Variants in IQSEC1 observed in about 807,000 individuals in gnomAD.
IQSEC1 encodes the protein IQ motif and SEC7 domain-containing protein 1.
Under a neutral mutation model 91.0 loss-of-function variants are expected in IQSEC1, and 31 were observed. The observed-to-expected ratio is 0.34, with a 90% CI of 0.26 to 0.46. The LOEUF (loss-of-function observed/expected upper bound fraction) is 0.46. Among genes scored for constraint, IQSEC1 ranks in the 20% least tolerant of loss-of-function variants. The pLI is 1.00. For synonymous variants in IQSEC1, 699 were observed against 662.6 expected (o/e 1.05, Z -0.84); for missense variants, 1,388 against 1,575.6 (o/e 0.88, Z 2.02).
intron 1 of IQSEC1, among the ~76,000 whole-genome samples, chr3:13,200,753 C>G (rs1694229210): frequency 6.6e-6 from 1 of 152,250 alleles, no homozygotes; most frequent in African/African-American, 2.4e-5. Flanking sequence ...ATTTCACACA[C>G]ATGTTGCACT....
chr3:12,901,206 T>A lies in IQSEC1; in HGVS notation c.3122A>T (p.His1041Leu). The A allele has an allele frequency of 6.5e-7, 1 of 1,545,304 alleles. No individual in the cohort carries two copies. Among genetic ancestry groups the A allele is most frequent in the South Asian group, 1.2e-5 (1 of 83,684 alleles). ...YCHMQNPPPY[H>L]HHHHHHPPQH... ...GGGTGGGTGGTGGTGGTGGTGATGGTGGTACGGGGGAGGGTTCTGCATGTG... is the reference window on the plus strand; with the variant it reads ...GGGTGGGTGGTGGTGGTGGTGATGGAGGTACGGGGGAGGGTTCTGCATGTG... Residue 1041 changes from histidine (H) to leucine (L), a missense_variant, in exon 14 of 14, where the codon CAC (histidine) becomes CTC (leucine). By Grantham distance (99) the His-to-Leu change is moderately conservative. Coordinates refer to ENST00000613206, the MANE Select transcript of IQSEC1 (RefSeq NM_001134382.3).
intron 2 of IQSEC1, among the ~76,000 whole-genome samples, chr3:13,127,362 C>T (rs781359767): frequency 1.1e-4 from 17 of 151,874 alleles, no homozygotes; most frequent in South Asian, 2.1e-4. Context: ...TGCAGTGAGC[C>T]GAGATGGCAC....
chr3:13,170,610 G>T (rs560264555), intron 1 of IQSEC1, among the ~76,000 whole-genome samples: 1 of 152,230 alleles, frequency 6.6e-6, no homozygotes, highest in Admixed American at 6.5e-5. Flanking sequence ...AGAGCGCCAG[G>T]GTAATGCAGC....
At chr3:13,130,526 G>GC (rs1021313474) in intron 2 of IQSEC1, among the ~76,000 whole-genome samples, 6 of 152,162 alleles carry the variant, frequency 3.9e-5, no homozygotes, top group African/African-American at 1.4e-4. Context: ...CACTGGAGAA[G>GC]AATGTATGTT....
rs5846799 is a variant in IQSEC1, at chr3:13,101,419, C to CAAAAAAAAAAAAAAAAAAAAAAAA, written c.303-53898_303-53897insTTTTTTTTTTTTTTTTTTTTTTTT. ...GGGAGACAGGGTGAGATTCCATCTC[C>CAAAAAAAAAAAAAAAAAAAAAAAA]AAAAAAAAAAAAAATGCACCCTTCT... On this transcript the variant is annotated intron_variant, in intron 2 of 15. Transcript: ENST00000648114. Among the ~76,000 whole-genome samples, 172 of 119,334 alleles carry CAAAAAAAAAAAAAAAAAAAAAAAA rather than the reference C, an allele frequency of 1.4e-3. 3 individuals carry two copies. The highest frequency in any genetic ancestry group is 2.6e-3 in the African/African-American group (78 of 30,374). The allele number at this position is 119,334 out of a possible 152,430, so 78.3% of individuals were successfully genotyped here. A position where few individuals can be genotyped will look rare whatever the true frequency, so the allele number is the denominator to read the frequency against.
chr3:13,114,785 A>G (rs1706308173), intron 2 of IQSEC1, among the ~76,000 whole-genome samples: 2 of 133,010 alleles, frequency 1.5e-5, no homozygotes, highest in Admixed American at 7.5e-5. Flanking sequence ...AGAGTGAGAC[A>G]TCGTCTCAAA....
intron 2 of IQSEC1, among the ~76,000 whole-genome samples, chr3:12,938,418 G>A (rs922388462): frequency 1.4e-4 from 22 of 152,042 alleles, no homozygotes; most frequent in African/African-American, 2.7e-4. Flanking sequence ...ATGCCCATGC[G>A]TGCTGCCTGG....
At position 13,100,075 on chromosome 3, in the gene IQSEC1, C is replaced by T. The variant is rs1281926425; in HGVS notation, c.303-52553G>A. Reference sequence around the variant, plus strand: ...TCCGAGTAGGAGGATGGGAGGAGTCCGCTGGATTTGTGCTGAGAACAGTGG... The same window carrying T: ...TCCGAGTAGGAGGATGGGAGGAGTCTGCTGGATTTGTGCTGAGAACAGTGG... On this transcript the variant is annotated intron_variant, in intron 2 of 15. Coordinates refer to the IQSEC1 transcript ENST00000648114. Among the ~76,000 whole-genome samples, 2 of 147,768 alleles carry T rather than the reference C, an allele frequency of 1.4e-5. 1 individual carries two copies. The highest frequency in any genetic ancestry group is 5.1e-5 in the African/African-American group (2 of 38,952).
chr3:13,276,410 C>T (rs759137596), intron 1 of IQSEC1, among the ~76,000 whole-genome samples: 1 of 152,088 alleles, frequency 6.6e-6, no homozygotes, highest in Non-Finnish European at 1.5e-5. Flanking sequence ...TTCTTGATGC[C>T]CTGGCTATTC....
chr3:13,170,449 G>A (rs1301889724), intron 1 of IQSEC1, among the ~76,000 whole-genome samples: 1 of 152,246 alleles, frequency 6.6e-6, no homozygotes, highest in African/African-American at 2.4e-5. Flanking sequence ...GGAGCTGTGA[G>A]AAGAAGGCCA....
chr3:12,971,083 A>G (rs2125541829), intron 1 of IQSEC1, among the ~76,000 whole-genome samples: 1 of 152,328 alleles, frequency 6.6e-6, no homozygotes, highest in Non-Finnish European at 1.5e-5. Context: ...TGCTATGATG[A>G]TGAAGTTAAA....
rs1025537620 is a variant in IQSEC1, at chr3:13,282,530, C to A, written c.272+181G>T. On this transcript the variant is annotated intron_variant, in intron 1 of 15. Transcript: ENST00000648114. This position sits in a 1 kb window ranked among gnomAD's most constrained non-coding sequence, Gnocchi z 6.4. ...CCCGAGATCGAGCTCCGGATCTGGG[C>A]GGCGACCCCGCCAGAGAATCCCAGG... Among the ~76,000 whole-genome samples the A allele has an allele frequency of 2.0e-4, 30 of 151,884 alleles. No individual in the cohort carries two copies. Among genetic ancestry groups the A allele is most frequent in the African/African-American group, 7.0e-4 (29 of 41,402 alleles).
chr3:12,914,738 G>A (rs1198729065), intron 8 of IQSEC1, among the ~76,000 whole-genome samples: 1 of 152,134 alleles, frequency 6.6e-6, no homozygotes, highest in Non-Finnish European at 1.5e-5. Flanking sequence ...TGGGGGTGAG[G>A]AGGCAGGCAC....
intron 3 of IQSEC1, among the ~76,000 whole-genome samples, chr3:12,926,286 G>A (rs1347898659): frequency 6.7e-6 from 1 of 149,974 alleles, no homozygotes; most frequent in African/African-American, 2.5e-5. Flanking sequence ...CTCCAGCCTG[G>A]GCGACAGAGC....
At chr3:13,172,017 G>A (rs2125002030) in intron 1 of IQSEC1, among the ~76,000 whole-genome samples, 1 of 152,346 alleles carries the variant, frequency 6.6e-6, no homozygotes. Context: ...TCAGTGCAGA[G>A]CGGTGAGTCT....
intron 1 of IQSEC1, among the ~76,000 whole-genome samples, chr3:13,191,701 G>A (rs189394216): frequency 1.1e-4 from 17 of 152,246 alleles, no homozygotes; most frequent in Admixed American, 4.6e-4. Context: ...TTAAAGACAT[G>A]TCCTGGGTTG....
At chr3:12,901,658 G>GCCCAGTCCAGC in intron 13 of IQSEC1, 136 bp from the exon 14 acceptor site, 1 of 751,846 alleles carries the variant, frequency 1.3e-6, no homozygotes, top group Non-Finnish European at 2.2e-6. Flanking sequence ...AGAGGGTGGG[G>GCCCAGTCCAGC]CTCAGTGAGG....
intron 2 of IQSEC1, among the ~76,000 whole-genome samples, chr3:13,131,035 GGAAA>G (rs1177093836): frequency 2.6e-5 from 3 of 115,542 alleles, no homozygotes; most frequent in African/African-American, 1.2e-4. Flanking sequence ...AAGGAAGGAA[GGAAA>G]GGAAGGAAGG....
intron 1 of IQSEC1, among the ~76,000 whole-genome samples, chr3:13,243,238 C>G (rs746363184): frequency 6.6e-6 from 1 of 152,128 alleles, no homozygotes; most frequent in Non-Finnish European, 1.5e-5. Flanking sequence ...TCCTGCACAC[C>G]CTTGGGCAGG....
Sources: allele counts gnomAD v4.1 joint callset (sites outside exome capture counted in the v4.1 genomes callset), GRCh38; gene constraint gnomAD v4.1.1; non-coding constraint Gnocchi (gnomAD v3.1); transcripts MANE v1.5; gene names NCBI Gene and HGNC (gene_info 2026-07-23, HGNC 2026-07-21).